The following DOCK8 variants were observed in gnomAD, a reference collection of about 807,000 sequenced individuals.
The protein encoded by DOCK8 is dedicator of cytokinesis 8.
Under a neutral mutation model 245.6 loss-of-function variants are expected in DOCK8, and 141 were observed. The observed-to-expected ratio is 0.57, with a 90% confidence interval of 0.50 to 0.66. DOCK8 has a LOEUF of 0.66. Ranked by LOEUF, DOCK8 falls within the 30% of genes least tolerant of loss-of-function variation. The probability of loss-of-function intolerance (pLI) is 0.00; values close to 1 mark genes in which losing one functional copy is unlikely to be tolerated. For synonymous variants in DOCK8, 1,168 were observed against 970.2 expected (o/e 1.20, Z -3.79); for missense variants, 2,965 against 2,603.4 (o/e 1.14, Z -3.02).
intron 10 of DOCK8, among the ~76,000 whole-genome samples, chr9:333,428 C>T (rs10970936): frequency 0.55 from 83,302 of 151,908 alleles, 24,022 homozygotes; most frequent in African/African-American, 0.73. Flanking sequence ...GGTGAAACCC[C>T]GTCTCTGCTA....
chr9:252,090 C>T (rs933833231), intron 1 of DOCK8, among the ~76,000 whole-genome samples: 1 of 151,414 alleles, frequency 6.6e-6, no homozygotes, highest in African/African-American at 2.4e-5. Flanking sequence ...TCTCCTGCCT[C>T]AGCCTCCTGA....
At chr9:419,805 A>G (rs546130131) in intron 30 of DOCK8, among the ~76,000 whole-genome samples, 19 of 152,262 alleles carry the variant, frequency 1.2e-4, no homozygotes, top group African/African-American at 4.6e-4. Flanking sequence ...GAACCCCCAC[A>G]CCCCAGCCCC....
intron 39 of DOCK8, among the ~76,000 whole-genome samples, chr9:437,009 T>C (rs554229824): frequency 1.3e-5 from 2 of 151,542 alleles, no homozygotes; most frequent in East Asian, 1.9e-4. Flanking sequence ...GAGGAGGCAA[T>C]GAGTTAGGTG....
intron 1 of DOCK8, among the ~76,000 whole-genome samples, chr9:238,513 C>CTTTTATTATGGTTAAAAAA (rs1387568090): frequency 6.6e-6 from 1 of 152,130 alleles, no homozygotes; most frequent in Non-Finnish European, 1.5e-5. Flanking sequence ...AAACAACAGG[C>CTTTTATTATGGTTAAAAAA]ACCATAATAA....
chr9:333,473 T>G (rs55910726), intron 10 of DOCK8, among the ~76,000 whole-genome samples: 1 of 152,192 alleles, frequency 6.6e-6, no homozygotes, highest in African/African-American at 2.4e-5. Context: ...TGGTGGCACG[T>G]GCCTGTATTC....
rs1438118873 is a variant in DOCK8 at position 234,162 on chromosome 9, G to C, written c.53+19133G>C. On this transcript the variant is annotated intron_variant, in intron 1 of 47. Coordinates refer to ENST00000432829, the MANE Select transcript of DOCK8 (RefSeq NM_203447.4). ...ATTTCTCCTTCACTTATGAAGCTTA[G>C]TTTGGCTGGATATGAAATTCTGCAT... is the stretch of plus-strand genomic sequence containing the variant. Among the ~76,000 whole-genome samples, 5 of 152,126 alleles carry C rather than the reference G, an allele frequency of 3.3e-5. No homozygotes were observed. In the South Asian group the frequency reaches 6.2e-4, roughly 19 times the overall value.
intron 2 of DOCK8, among the ~76,000 whole-genome samples, chr9:285,595 T>C (rs959934790): frequency 6.6e-6 from 1 of 152,218 alleles, no homozygotes; most frequent in African/African-American, 2.4e-5. Context: ...AGGGTGGTCA[T>C]TCCTAAGTCT....
At chr9:232,299 A>G (rs1319071396) in intron 1 of DOCK8, among the ~76,000 whole-genome samples, 1 of 152,172 alleles carries the variant, frequency 6.6e-6, no homozygotes, top group Non-Finnish European at 1.5e-5. Context: ...TCGGTTTGCC[A>G]GTATTTTATT....
At chr9:363,589 C>T (rs1404612195) in intron 14 of DOCK8, among the ~76,000 whole-genome samples, 3 of 152,164 alleles carry the variant, frequency 2.0e-5, no homozygotes, top group African/African-American at 4.8e-5. Context: ...ATATGATGAC[C>T]CTTAGGAAAT....
intron 1 of DOCK8, among the ~76,000 whole-genome samples, chr9:255,649 T>A (rs562151563): frequency 9.6e-6 from 1 of 104,174 alleles, no homozygotes; most frequent in Non-Finnish European, 1.7e-5. Flanking sequence ...GCCTGGGGGA[T>A]AGAGCAAGAC....
At chr9:252,950 T>C (rs1467124214) in intron 1 of DOCK8, among the ~76,000 whole-genome samples, 1 of 152,226 alleles carries the variant, frequency 6.6e-6, no homozygotes. Context: ...TCCTAGGGTA[T>C]CCCAAAGCAC....
chr9:295,044 C>G (rs1247608725), intron 4 of DOCK8, among the ~76,000 whole-genome samples: 2 of 152,036 alleles, frequency 1.3e-5, no homozygotes, highest in Non-Finnish European at 2.9e-5. Flanking sequence ...CCTGTAGTCC[C>G]AGTTACTCAG....
chr9:457,819 G>A (rs2057687943), intron 46 of DOCK8, among the ~76,000 whole-genome samples: 1 of 152,250 alleles, frequency 6.6e-6, no homozygotes, highest in African/African-American at 2.4e-5. Context: ...TCAGCTGTGT[G>A]CAGGGACTCT....
intron 23 of DOCK8, among the ~76,000 whole-genome samples, chr9:389,554 C>T (rs555603272): frequency 4.1e-4 from 63 of 152,224 alleles, no homozygotes; most frequent in South Asian, 1.2e-3. Flanking sequence ...AGAGTTTAGA[C>T]ACCATCTAGA....
chr9:415,692 G>GCACA (rs140525484), intron 29 of DOCK8, among the ~76,000 whole-genome samples: 53 of 151,066 alleles, frequency 3.5e-4, no homozygotes, highest in Admixed American at 9.2e-4. Flanking sequence ...GTGCGCGCGT[G>GCACA]CACACACACA....
chr9:371,120 C>T (rs2053266101), intron 16 of DOCK8, among the ~76,000 whole-genome samples: 1 of 152,128 alleles, frequency 6.6e-6, no homozygotes, highest in Non-Finnish European at 1.5e-5. Flanking sequence ...GAGTCCAAAC[C>T]TCATCCTTTC....
intron 45 of DOCK8, 44 bp from the exon 46 acceptor site, chr9:451,967 A>G: frequency 2.6e-6 from 1 of 384,450 alleles, no homozygotes; most frequent in Non-Finnish European, 4.3e-6. Flanking sequence ...ATATATATAT[A>G]TATATATATA....
intron 1 of DOCK8, among the ~76,000 whole-genome samples, chr9:258,995 T>C (rs1473581300): frequency 1.3e-4 from 16 of 122,910 alleles, no homozygotes; most frequent in Non-Finnish European, 1.8e-5. Context: ...GCACAAACAT[T>C]TTAGAAAAAG....
In DOCK8 at chr9:407,024, T is replaced by C. The variant is rs1468419891; in HGVS notation, c.3485T>C (p.Leu1162Pro). The C allele has an allele frequency of 1.2e-6, 2 of 1,614,102 alleles. No homozygotes were observed. Among genetic ancestry groups the C allele is most frequent in the Non-Finnish European group, 1.7e-6 (2 of 1,180,014 alleles). The change falls in exon 28 of 48, where the codon CTC (leucine) becomes CCC (proline). Residue 1162 changes from leucine (L) to proline (P), a missense_variant. This residue lies in a region of DOCK8 where 2,825 missense variants were observed against 2,453.5 expected (regional missense o/e 1.15). Transcript: ENST00000432829. ...EYRQQHFLTGLLFTELAAALD... is the reference protein window; with the variant it reads ...EYRQQHFLTGPLFTELAAALD... Reference sequence around the variant, plus strand: ...CGCCAGCAGCACTTCCTCACCGGGCTCCTCTTCACAGAACTGGCTGCTGCC... The same window carrying C: ...CGCCAGCAGCACTTCCTCACCGGGCCCCTCTTCACAGAACTGGCTGCTGCC...
Sources: allele counts gnomAD v4.1 joint callset (sites outside exome capture counted in the v4.1 genomes callset), GRCh38; gene constraint gnomAD v4.1.1; regional missense constraint gnomAD v4.1.1; transcripts MANE v1.5; gene names NCBI Gene and HGNC (gene_info 2026-07-23, HGNC 2026-07-21).